The following TSHZ2 variants were observed in gnomAD, a reference collection of about 807,000 sequenced individuals.
The protein encoded by TSHZ2 is teashirt zinc finger homeobox 2.
In TSHZ2, 21 loss-of-function variants were observed where a neutral mutation model predicts 74.4. The ratio of observed to expected loss-of-function variants is 0.28; its 90% confidence interval spans 0.20 to 0.41. The LOEUF (loss-of-function observed/expected upper bound fraction) is 0.41. Among genes scored for constraint, TSHZ2 ranks in the 10% least tolerant of loss-of-function variants. The pLI is 1.00. For synonymous variants in TSHZ2, 540 were observed against 515.3 expected, an observed-to-expected ratio of 1.05 and a Z score of -0.65; for missense variants, 1,244 against 1,293.5, an observed-to-expected ratio of 0.96 and a Z score of 0.59.
chr20:53,413,459 T>G lies in TSHZ2; in HGVS notation c.*9-73685T>G, dbSNP rs575465735. Among the ~76,000 whole-genome samples, 19 of 152,334 alleles carry G rather than the reference T, an allele frequency of 1.2e-4. 1 individual carries two copies. In the South Asian group the frequency reaches 3.7e-3, roughly 30 times the overall value. ...GCGGGAGATCACGTGAGCTACTAGC[T>G]TTGAATCTTAGTTCTACCACTTGCA... On this transcript the variant is annotated intron_variant, in intron 2 of 2. Transcript: ENST00000371497.
intron 2 of TSHZ2, among the ~76,000 whole-genome samples, chr20:53,441,240 ATTTTATTTTATTTTAT>A (rs1236215059): frequency 7.0e-6 from 1 of 143,000 alleles, no homozygotes; most frequent in East Asian, 2.0e-4. Context: ...ATTTTATTTT[ATTTTATTTTATTTTAT>A]TTTATTTTAT....
At chr20:53,227,302 T>C (rs1989706957) in intron 1 of TSHZ2, among the ~76,000 whole-genome samples, 1 of 152,080 alleles carries the variant, frequency 6.6e-6, no homozygotes, top group Admixed American at 6.5e-5. Flanking sequence ...TATAATTATA[T>C]TTTGTATAAA....
chr20:53,033,805 A>G (rs1182632552), intron 1 of TSHZ2, among the ~76,000 whole-genome samples: 2 of 151,660 alleles, frequency 1.3e-5, no homozygotes, highest in African/African-American at 4.8e-5. Context: ...GACTGCAGGC[A>G]TGCACCCCTA....
At chr20:53,423,018 G>T (rs1983532505) in intron 2 of TSHZ2, among the ~76,000 whole-genome samples, 1 of 152,060 alleles carries the variant, frequency 6.6e-6, no homozygotes, top group Non-Finnish European at 1.5e-5. Context: ...GATCTACAAA[G>T]TTGCAGTAAT....
intron 2 of TSHZ2, among the ~76,000 whole-genome samples, chr20:53,309,071 T>G (rs1390960215): frequency 6.6e-6 from 1 of 152,052 alleles, no homozygotes; most frequent in South Asian, 2.1e-4. Flanking sequence ...CAGAGCAGAG[T>G]GCTCACATCA....
chr20:53,388,642 AC>A (rs1030082334), intron 2 of TSHZ2, among the ~76,000 whole-genome samples: 2 of 140,678 alleles, frequency 1.4e-5, no homozygotes, highest in African/African-American at 5.4e-5. Context: ...TGCCCAGGCG[AC>A]CTTGGCTCAC....
At chr20:53,057,161 A>C (rs1301064965) in intron 1 of TSHZ2, among the ~76,000 whole-genome samples, 2 of 152,230 alleles carry the variant, frequency 1.3e-5, no homozygotes, top group African/African-American at 2.4e-5. Flanking sequence ...GGGCCTCCCC[A>C]GCCATGTGGA....
At chr20:53,439,319 T>A (rs749061201) in intron 2 of TSHZ2, among the ~76,000 whole-genome samples, 3 of 152,186 alleles carry the variant, frequency 2.0e-5, no homozygotes, top group Non-Finnish European at 2.9e-5. Context: ...GATACTAATG[T>A]TTAATAATCC....
chr20:52,973,396 G>T, intron 1 of TSHZ2, 63 bp downstream of exon 1: 1 of 1,541,654 alleles, frequency 6.5e-7, no homozygotes, highest in Non-Finnish European at 8.8e-7. Flanking sequence ...CGCCCTCCTT[G>T]CCCCTGGGTG....
chr20:53,253,644 C>A lies in TSHZ2; in HGVS notation c.186C>A (p.Gly62=). 1 of 1,614,186 alleles carries A rather than the reference C, an allele frequency of 6.2e-7. No individual in the cohort carries two copies. The highest frequency in any genetic ancestry group is 8.5e-7 in the Non-Finnish European group (1 of 1,180,036). The change falls in exon 2 of 3, where the codon GGC becomes GGA. Residue 62 remains glycine (G), a synonymous_variant. Transcript: ENST00000371497. ...EELETGPEQK[G]CFSYQNSPGS... is the part of the protein sequence containing the mutation. ...TAGAAACGGGCCCAGAGCAAAAAGG[C>A]TGCTTCAGCTACCAGAACTCTCCAG...
At chr20:53,039,077 G>A (rs1983941677) in intron 1 of TSHZ2, among the ~76,000 whole-genome samples, 3 of 151,668 alleles carry the variant, frequency 2.0e-5, no homozygotes, top group Admixed American at 2.0e-4. Flanking sequence ...GTAGAGACAG[G>A]GTTTCTCCGT....
chr20:53,176,587 TTC>T (rs1988343237), intron 1 of TSHZ2, among the ~76,000 whole-genome samples: 1 of 152,192 alleles, frequency 6.6e-6, no homozygotes, highest in African/African-American at 2.4e-5. Context: ...CCCTAATTAT[TTC>T]ACAGGGCTTA....
At chr20:53,185,994 T>C (rs998178664) in intron 1 of TSHZ2, among the ~76,000 whole-genome samples, 1 of 152,222 alleles carries the variant, frequency 6.6e-6, no homozygotes, top group African/African-American at 2.4e-5. Flanking sequence ...GATTTCTTAC[T>C]GACATAAAGA....
intron 2 of TSHZ2, among the ~76,000 whole-genome samples, chr20:53,379,881 C>G (rs547747420): frequency 6.6e-6 from 1 of 152,154 alleles, no homozygotes; most frequent in Non-Finnish European, 1.5e-5. Context: ...ATAGATTTCC[C>G]TCCTGTAACA....
chr20:53,114,198 A>G (rs1470031379), intron 1 of TSHZ2, among the ~76,000 whole-genome samples: 1 of 152,020 alleles, frequency 6.6e-6, no homozygotes, highest in East Asian at 1.9e-4. Context: ...TACTTTTCTA[A>G]TCTCTTATAA....
chr20:52,990,271 G>C (rs1981930443), intron 1 of TSHZ2, among the ~76,000 whole-genome samples: 1 of 152,090 alleles, frequency 6.6e-6, no homozygotes, highest in Admixed American at 6.6e-5. Flanking sequence ...TCACTGAGAT[G>C]TCTACCCCTC....
Position 53,011,166 on chromosome 20 carries a change from A to T in TSHZ2, c.40+37833A>T, listed in dbSNP as rs530262647. On this transcript the variant is annotated intron_variant, in intron 1 of 2. Coordinates refer to ENST00000371497, the MANE Select transcript of TSHZ2 (RefSeq NM_173485.6). ...GAATTTTACTGTGAAAAGTCCTCAG[A>T]TGAGTTAATATTTGTTTGCTGTGTT... Among the ~76,000 whole-genome samples, 26 of 152,296 alleles carry T rather than the reference A, an allele frequency of 1.7e-4. No homozygotes were observed. In the South Asian group the frequency reaches 5.4e-3, roughly 32 times the overall value.
In TSHZ2 at chr20:53,489,135, C is replaced by T. The variant is rs1986378881; in HGVS notation, c.*2000C>T. On this transcript the variant is annotated 3_prime_UTR_variant, in exon 3 of 3. Coordinates refer to ENST00000371497, the MANE Select transcript of TSHZ2 (RefSeq NM_173485.6). ...ACAAGGAAAAATAGCAACAGTACAA[C>T]GGGGTGGCTTTTATGGGATTTACTC... The T allele has an allele frequency of 1.1e-5, 5 of 456,060 alleles. No individual in the cohort carries two copies. Among genetic ancestry groups the T allele is most frequent in the South Asian group, 3.1e-5 (2 of 64,574 alleles). The allele number at this position is 456,060 out of a possible 1,614,324, so 28.3% of individuals were successfully genotyped here. A position where few individuals can be genotyped will look rare whatever the true frequency, so the allele number is the denominator to read the frequency against.
chr20:53,448,103 T>C (rs1471112509), intron 2 of TSHZ2, among the ~76,000 whole-genome samples: 2 of 151,932 alleles, frequency 1.3e-5, no homozygotes, highest in Non-Finnish European at 1.5e-5. Flanking sequence ...TTAGTAGAGA[T>C]GGGGTTTCAC....
Sources: allele counts gnomAD v4.1 joint callset (sites outside exome capture counted in the v4.1 genomes callset), GRCh38; gene constraint gnomAD v4.1.1; transcripts MANE v1.5; gene names NCBI Gene and HGNC (gene_info 2026-07-23, HGNC 2026-07-21).